Variants in TMEM204 observed in about 807,000 individuals in gnomAD.
TMEM204 encodes the protein claudin-like protein 24.
Under a neutral mutation model 19.4 loss-of-function variants are expected in TMEM204, and 15 were observed. The observed-to-expected ratio is 0.77, with a 90% CI of 0.52 to 1.19. The LOEUF is 1.19. Among genes scored for constraint, TMEM204 ranks in the 50% most tolerant of loss-of-function variants. The pLI, the probability that TMEM204 is intolerant of heterozygous loss-of-function variation, is 0.00. For missense variants in TMEM204, 287 were observed against 321.2 expected (o/e 0.89, Z 0.81); for synonymous variants, 161 against 146.0 (o/e 1.10, Z -0.74).
At chr16:1,538,362 A>G (rs1447949930) in intron 1 of TMEM204, among the ~76,000 whole-genome samples, 2 of 152,208 alleles carry the variant, frequency 1.3e-5, no homozygotes, top group Admixed American at 6.5e-5. Context: ...AGGACAGGTC[A>G]GGGGTGCGTC....
chr16:1,553,276 C>G lies in TMEM204; in HGVS notation c.437-1506C>G. 3 of 980,644 alleles carry G rather than the reference C, an allele frequency of 3.1e-6. No homozygotes were observed. Among genetic ancestry groups the G allele is most frequent in the Non-Finnish European group, 3.6e-6 (3 of 825,660 alleles). The allele number at this position is 980,644 out of a possible 1,614,324, so 60.7% of individuals were successfully genotyped here. On this transcript the variant is annotated intron_variant, in intron 2 of 2. Transcript: ENST00000566264. The surrounding 1 kb of genome is among the most constrained non-coding windows in gnomAD (Gnocchi z 4.4). Reference sequence around the variant, plus strand: ...TCTCTGTATCTCTCTTGGTCTCTGTCTCTCTGTGTCTCTGCCTGTCTCTCT... The same window carrying G: ...TCTCTGTATCTCTCTTGGTCTCTGTGTCTCTGTGTCTCTGCCTGTCTCTCT...
Position 1,534,090 on chromosome 16 carries a change from G to C in TMEM204, c.-186G>C, listed in dbSNP as rs1167296993. The stretch of plus-strand genomic sequence containing the variant: ...AGGCCTGGCCCTGCTCCAGGTGCAG[G>C]AAGGAGGATAAGGCCGGGCCGAGAG... On this transcript the variant is annotated 5_prime_UTR_variant, in exon 1 of 3. Coordinates refer to ENST00000566264, the MANE Select transcript of TMEM204 (RefSeq NM_024600.6). The C allele has an allele frequency of 1.2e-5, 8 of 682,374 alleles. No homozygotes were observed. Among genetic ancestry groups the C allele is most frequent in the African/African-American group, 7.5e-5 (4 of 53,094 alleles). 42.3% of individuals were successfully genotyped at this position (682,374 alleles called of 1,614,324 possible).
intron 2 of TMEM204, among the ~76,000 whole-genome samples, chr16:1,545,389 C>A (rs912771489): frequency 6.6e-6 from 1 of 152,246 alleles, no homozygotes; most frequent in East Asian, 1.9e-4. Context: ...ACCATCACCC[C>A]TAACGGGTCT....
At chr16:1,538,513 C>T (rs943485780) in intron 1 of TMEM204, among the ~76,000 whole-genome samples, 4 of 152,170 alleles carry the variant, frequency 2.6e-5, no homozygotes, top group African/African-American at 7.2e-5. Flanking sequence ...TCCCTCCTCC[C>T]CCTTCATTCT....
upstream of TMEM204, chr16:1,532,776 G>A (rs765212218): frequency 1.3e-5 from 2 of 152,240 alleles, no homozygotes; most frequent in African/African-American, 2.4e-5. Context: ...CCCTCTCGTG[G>A]TGTCTGCCCA....
chr16:1,541,967 G>T lies in TMEM204; in HGVS notation c.327G>T (p.Ala109=). The T allele has an allele frequency of 6.2e-7, 1 of 1,610,344 alleles. No homozygotes were observed. Residue 109 remains alanine, a synonymous_variant, in exon 2 of 3, where the codon GCG becomes GCT. Transcript: ENST00000566264. ...MRACNLVATA[A]LTAGQLTFLL... ...CCTGCAACCTGGTGGCCACGGCCGC[G>T]CTCACCGCAGGCCAGCTCACCTTCC...
chr16:1,550,979 G>A (rs1262414564), intron 2 of TMEM204, among the ~76,000 whole-genome samples: 1 of 152,170 alleles, frequency 6.6e-6, no homozygotes, highest in Non-Finnish European at 1.5e-5. Context: ...GTGAGCATTC[G>A]AGGGCACCAG....
intron 2 of TMEM204, among the ~76,000 whole-genome samples, chr16:1,554,575 C>G (rs1342593186): frequency 1.3e-5 from 2 of 152,192 alleles, no homozygotes; most frequent in East Asian, 1.9e-4. Context: ...CAAGGTGGCT[C>G]AACACCAGGG....
intron 2 of TMEM204, among the ~76,000 whole-genome samples, chr16:1,549,321 T>C (rs973284180): frequency 6.6e-6 from 1 of 152,286 alleles, no homozygotes; most frequent in East Asian, 1.9e-4. Flanking sequence ...CATCTGCTTC[T>C]GTGGCAACAA....
At chr16:1,543,855 G>A (rs1243223398) in intron 2 of TMEM204, among the ~76,000 whole-genome samples, 1 of 152,148 alleles carries the variant, frequency 6.6e-6, no homozygotes, top group Non-Finnish European at 1.5e-5. Flanking sequence ...TGCAGGAATC[G>A]GAAATGCCGT....
chr16:1,541,914 C>A lies in TMEM204; in HGVS notation c.281-7C>A. On this transcript the variant is annotated splice_polypyrimidine_tract_variant and splice_region_variant and intron_variant, in intron 1 of 2. Coordinates refer to ENST00000566264, the MANE Select transcript of TMEM204 (RefSeq NM_024600.6). ...CTCACCACTGCCTCTCTGCTCTTGG[C>A]CCACAGTGCAGTTCGACATGATGCG... 1 of 1,583,248 alleles carries A rather than the reference C, an allele frequency of 6.3e-7. No individual in the cohort carries two copies.
upstream of TMEM204, among the ~76,000 whole-genome samples, chr16:1,530,131 A>ATC (rs945496519): frequency 7.9e-6 from 1 of 126,540 alleles, no homozygotes; most frequent in African/African-American, 3.7e-5. Context: ...CACGACGGGA[A>ATC]TCTTTTTTTT....
At chr16:1,529,934 G>A (rs2030266185), upstream of TMEM204, among the ~76,000 whole-genome samples, 2 of 152,022 alleles carry the variant, frequency 1.3e-5, no homozygotes, top group African/African-American at 4.8e-5. Flanking sequence ...TGTCCTCACT[G>A]CACAGCTTCC....
At position 1,534,389 on chromosome 16, in the gene TMEM204, G is replaced by A; in HGVS notation, c.114G>A (p.Gly38=). 1 of 1,612,802 alleles carries A rather than the reference G, an allele frequency of 6.2e-7. No homozygotes were observed. The change falls in exon 1 of 3, where the codon GGG becomes GGA. Residue 38 remains glycine, a synonymous_variant. Transcript: ENST00000566264. ...SNWVCQTLED[G]RRRSVGLWRS... ...GGGTGTGCCAGACGCTGGAGGATGGGCGCAGGCGCAGCGTGGGGCTGTGGA... is the reference window on the plus strand; with the variant it reads ...GGGTGTGCCAGACGCTGGAGGATGGACGCAGGCGCAGCGTGGGGCTGTGGA...
In TMEM204 at chr16:1,554,274, G is replaced by A. The variant is rs528001168; in HGVS notation, c.437-508G>A. 9.2e-6 allele frequency: 4 copies of A among 434,414 alleles called. No homozygotes were observed. In the East Asian group the frequency reaches 2.2e-4, roughly 24 times the overall value. The allele number at this position is 434,414 out of a possible 1,614,324, so 26.9% of individuals were successfully genotyped here. On this transcript the variant is annotated intron_variant, in intron 2 of 2. Coordinates refer to ENST00000566264, the MANE Select transcript of TMEM204 (RefSeq NM_024600.6). ...TCAGAAGCATAGCTCTGGGCGCGAT[G>A]AGCACCAAACTGACCTGTTTCCAGA...
intron 1 of TMEM204, among the ~76,000 whole-genome samples, chr16:1,535,531 A>G (rs1172863195): frequency 6.6e-6 from 1 of 152,206 alleles, no homozygotes; most frequent in Non-Finnish European, 1.5e-5. Flanking sequence ...TCTCTGAGGC[A>G]GTGCCTCTGC....
chr16:1,537,289 C>T (rs751470295), intron 1 of TMEM204, among the ~76,000 whole-genome samples: 5 of 152,372 alleles, frequency 3.3e-5, no homozygotes, highest in Admixed American at 6.5e-5. Context: ...TCGGGGTTTC[C>T]GGATGTCGCT....
chr16:1,538,752 G>A (rs534196870), intron 1 of TMEM204, among the ~76,000 whole-genome samples: 6 of 152,294 alleles, frequency 3.9e-5, no homozygotes, highest in Admixed American at 3.9e-4. Flanking sequence ...GCTCACACAC[G>A]TCCCTAATGT....
chr16:1,534,591 G>T (rs2030869646), intron 1 of TMEM204, 36 bp downstream of exon 1: 1 of 1,596,202 alleles, frequency 6.3e-7, no homozygotes, highest in African/African-American at 1.3e-5. Flanking sequence ...CTTCAGCGTG[G>T]CCGAGGCTCG....
Sources: gnomAD v4.1 joint callset for allele counts (sites outside exome capture counted in the v4.1 genomes callset) on GRCh38, gnomAD v4.1.1 for gene constraint, Gnocchi (gnomAD v3.1) non-coding constraint, MANE v1.5 for transcripts, NCBI Gene and HGNC (gene_info 2026-07-23, HGNC 2026-07-21) for gene names.